Variants in TBC1D1 observed in about 807,000 individuals in gnomAD.
TBC1D1 encodes TBC1 domain family member 1, also known as TBC1 (tre-2/USP6, BUB2, cdc16) domain family, member 1.
Under a neutral mutation model 125.6 loss-of-function variants are expected in TBC1D1, and 89 were observed. The observed-to-expected ratio is 0.71, with a 90% confidence interval of 0.60 to 0.85. The LOEUF is 0.85. Ranked by LOEUF, TBC1D1 falls within the 40% of genes least tolerant of loss-of-function variation. The pLI, the probability that TBC1D1 is intolerant of heterozygous loss-of-function variation, is 0.00. For missense variants in TBC1D1, 1,377 were observed against 1,469.2 expected, an observed-to-expected ratio of 0.94 and a Z score of 1.03; for synonymous variants, 565 against 564.1, an observed-to-expected ratio of 1.00 and a Z score of -0.02.
intron 2 of TBC1D1, among the ~76,000 whole-genome samples, chr4:38,000,002 A>C (rs1738670291): frequency 6.6e-6 from 1 of 152,226 alleles, no homozygotes; most frequent in South Asian, 2.1e-4. Context: ...TGTAGAAATT[A>C]ATTCCATTAT....
intron 6 of TBC1D1, among the ~76,000 whole-genome samples, chr4:38,023,148 G>A (rs1744386623): frequency 6.6e-6 from 1 of 151,670 alleles, no homozygotes; most frequent in African/African-American, 2.4e-5. Flanking sequence ...TTGGGAGGCT[G>A]AGGCAGGAGA....
intron 2 of TBC1D1, among the ~76,000 whole-genome samples, chr4:37,939,020 T>C (rs1327127966): frequency 6.6e-6 from 1 of 152,276 alleles, no homozygotes; most frequent in East Asian, 1.9e-4. Flanking sequence ...GCATGATTTA[T>C]CATCCTTTGG....
chr4:38,123,217 C>G (rs1338426723), intron 17 of TBC1D1, among the ~76,000 whole-genome samples: 1 of 151,526 alleles, frequency 6.6e-6, no homozygotes. Context: ...CCCCAGGATC[C>G]CTGCAAAAAA....
In TBC1D1 at chr4:38,052,712, ACGCGCGCGCGCGCG is replaced by A. The variant is rs58267781; in HGVS notation, c.1911-1483_1911-1470del. Among the ~76,000 whole-genome samples, 232 of 125,608 alleles carry A rather than the reference ACGCGCGCGCGCGCG, an allele frequency of 1.8e-3. 3 individuals are homozygous for A. The highest frequency in any genetic ancestry group is 5.6e-3 in the African/African-American group (176 of 31,364). The allele number at this position is 125,608 out of a possible 152,430, so 82.4% of individuals were successfully genotyped here. On this transcript the variant is annotated intron_variant, in intron 11 of 19. Transcript: ENST00000261439. ...TACATGCATGCGTATATACACACAC[ACGCGCGCGCGCGCG>A]CGCACACACACACACACACACACAC... is the stretch of plus-strand genomic sequence containing the variant.
At chr4:38,070,653 T>G (rs903520919) in intron 12 of TBC1D1, among the ~76,000 whole-genome samples, 1 of 152,222 alleles carries the variant, frequency 6.6e-6, no homozygotes, top group Admixed American at 6.5e-5. Flanking sequence ...AAAATTATTG[T>G]ATCTACTGAG....
intron 13 of TBC1D1, 122 bp from the exon 16 acceptor site, chr4:38,095,807 C>T (rs186829009): frequency 8.3e-5 from 80 of 960,576 alleles, no homozygotes; most frequent in African/African-American, 7.7e-4. Context: ...TATATTTAGA[C>T]GCGTTAAGCC....
At chr4:38,057,202 A>G (rs1385702858) in intron 12 of TBC1D1, among the ~76,000 whole-genome samples, 1 of 152,118 alleles carries the variant, frequency 6.6e-6, no homozygotes, top group Non-Finnish European at 1.5e-5. Flanking sequence ...CCTCTGATGC[A>G]GGTTCCCACT....
At chr4:38,025,972 A>G (rs1745003535) in intron 6 of TBC1D1, among the ~76,000 whole-genome samples, 1 of 152,118 alleles carries the variant, frequency 6.6e-6, no homozygotes, top group South Asian at 2.1e-4. Context: ...CAGGGAGGGC[A>G]GTGGAGCAGT....
At chr4:37,894,214 C>T (rs1714049234) in intron 1 of TBC1D1, among the ~76,000 whole-genome samples, 1 of 152,058 alleles carries the variant, frequency 6.6e-6, no homozygotes, top group South Asian at 2.1e-4. Context: ...GTCTTGAACT[C>T]CCGACCTTGT....
At chr4:37,958,175 T>C (rs761067182) in intron 2 of TBC1D1, among the ~76,000 whole-genome samples, 5 of 152,182 alleles carry the variant, frequency 3.3e-5, no homozygotes, top group Non-Finnish European at 5.9e-5. Context: ...ATTTTTCAGA[T>C]TTGAAGTTGT....
intron 12 of TBC1D1, among the ~76,000 whole-genome samples, chr4:38,076,885 A>G (rs1029673126): frequency 3.3e-5 from 5 of 152,026 alleles, no homozygotes; most frequent in Non-Finnish European, 7.4e-5. Context: ...TGAAATTGCC[A>G]TTTGTGCCAC....
chr4:38,026,312 T>G (rs144336851), intron 6 of TBC1D1, among the ~76,000 whole-genome samples: 3,746 of 152,272 alleles, frequency 0.025, 69 homozygotes, highest in South Asian at 0.074. Flanking sequence ...TACTTAGAGG[T>G]TGTGGGCTCT....
chr4:38,129,352 C>T lies in TBC1D1; in HGVS notation c.3133-3732C>T, dbSNP rs542192699. Among the ~76,000 whole-genome samples the T allele has an allele frequency of 9.2e-5, 14 of 152,276 alleles. No homozygotes were observed. In the East Asian group the frequency reaches 1.9e-3, roughly 21 times the overall value. ...ACCGTGGAAAAGGAGTAGTTTTGTACGAGGACAACTGGTGCCATACCAGGA... is the reference window on the plus strand; with the variant it reads ...ACCGTGGAAAAGGAGTAGTTTTGTATGAGGACAACTGGTGCCATACCAGGA... On this transcript the variant is annotated intron_variant, in intron 18 of 19. Coordinates refer to ENST00000261439, the MANE Select transcript of TBC1D1 (RefSeq NM_015173.4).
chr4:38,115,856 C>T lies in TBC1D1; in HGVS notation c.2704C>T (p.Leu902Phe), dbSNP rs865949282. 1 of 1,614,148 alleles carries T rather than the reference C, an allele frequency of 6.2e-7. No individual in the cohort carries two copies. Among genetic ancestry groups the T allele is most frequent in the African/African-American group, 1.3e-5 (1 of 75,028 alleles). The stretch of plus-strand genomic sequence containing the variant: ...CAGCTTTGTAGCAGGCATTTTGCTT[C>T]TTCATATGAGTGAGGAAGAGGCGTT... Residue 902 changes from leucine to phenylalanine, a missense_variant, in exon 16 of 20, where the codon CTT becomes TTT. Transcript: ENST00000261439.
At chr4:38,008,203 GT>G (rs1339777457) in intron 2 of TBC1D1, among the ~76,000 whole-genome samples, 16 of 152,202 alleles carry the variant, frequency 1.1e-4, no homozygotes, top group Admixed American at 5.2e-4. Context: ...AACATTTTAA[GT>G]TTTAAAAACT....
At position 38,090,079 on chromosome 4, in the gene TBC1D1, T is replaced by C; in HGVS notation, c.2198T>C (p.Leu733Pro). ...CAAAAGGCTATTCTTCAACAGATAC[T>C]GCTGCTTAGAATGGAGAAGGAAAAT... Residue 733 changes from leucine (L) to proline (P), a missense_variant, in exon 13 of 20, where the codon CTG becomes CCG. This residue lies in a region of TBC1D1 where 543 missense variants were observed against 613.5 expected (regional missense o/e 0.89). Transcript: ENST00000261439. The C allele has an allele frequency of 6.2e-7, 1 of 1,614,144 alleles. No homozygotes were observed. Among genetic ancestry groups the C allele is most frequent in the Non-Finnish European group, 8.5e-7 (1 of 1,179,984 alleles).
intron 2 of TBC1D1, among the ~76,000 whole-genome samples, chr4:37,911,012 G>A (rs1427086912): frequency 6.6e-6 from 1 of 150,546 alleles, no homozygotes; most frequent in East Asian, 1.9e-4. Context: ...TTTAAACTAC[G>A]TATGTAGCTT....
At chr4:37,982,602 G>A (rs1372986803) in intron 2 of TBC1D1, among the ~76,000 whole-genome samples, 1 of 152,178 alleles carries the variant, frequency 6.6e-6, no homozygotes, top group Non-Finnish European at 1.5e-5. Context: ...CTTAGAGTGT[G>A]CCAGGAACTT....
At chr4:37,935,857 T>C (rs763829855) in intron 2 of TBC1D1, among the ~76,000 whole-genome samples, 11 of 152,232 alleles carry the variant, frequency 7.2e-5, no homozygotes, top group Non-Finnish European at 1.6e-4. Context: ...CCCTGCCATC[T>C]GCCCTAATGT....
Sources: gnomAD v4.1 joint callset for allele counts (sites outside exome capture counted in the v4.1 genomes callset) on GRCh38, gnomAD v4.1.1 for gene constraint, gnomAD v4.1.1 regional missense constraint, MANE v1.5 for transcripts, NCBI Gene and HGNC (gene_info 2026-07-23, HGNC 2026-07-21) for gene names.